The following RYR3 variants were observed in gnomAD, a reference collection of about 807,000 sequenced individuals.
RYR3 encodes the protein ryanodine receptor 3.
Under a neutral mutation model 584.3 loss-of-function variants are expected in RYR3, and 207 were observed. That is an observed-to-expected ratio of 0.35 (90% CI 0.32 to 0.40). The LOEUF is 0.40. RYR3 is among the 10% of genes least tolerant of loss of function. The pLI, the probability that RYR3 is intolerant of heterozygous loss-of-function variation, is 1.00. For synonymous variants in RYR3, 2,416 were observed against 2,248.5 expected (o/e 1.07, Z -2.11); for missense variants, 5,616 against 6,089.2 (o/e 0.92, Z 2.59).
At chr15:33,640,848 T>C (rs1406019848) in intron 27 of RYR3, among the ~76,000 whole-genome samples, 1 of 152,234 alleles carries the variant, frequency 6.6e-6, no homozygotes, top group Non-Finnish European at 1.5e-5. Flanking sequence ...AGGATGCATG[T>C]AGGGAGGTGG....
At chr15:33,646,280 C>T (rs1450502799) in intron 28 of RYR3, 71 bp from the exon 29 acceptor site, 42 of 1,382,504 alleles carry the variant, frequency 3.0e-5, no homozygotes, top group African/African-American at 1.4e-4. Context: ...TGCATGTCCA[C>T]GAGGGAAAAA....
intron 8 of RYR3, among the ~76,000 whole-genome samples, chr15:33,545,189 T>C (rs938639146): frequency 6.6e-6 from 1 of 152,174 alleles, no homozygotes; most frequent in African/African-American, 2.4e-5. Context: ...GTATTTACCA[T>C]GGGCATGCCC....
At position 33,519,795 on chromosome 15, in the gene RYR3, A is replaced by G. The variant is rs1458840895; in HGVS notation, c.280-10797A>G. Among the ~76,000 whole-genome samples, 3 of 152,114 alleles carry G rather than the reference A, an allele frequency of 2.0e-5. No individual in the cohort carries two copies. In the East Asian group the frequency reaches 5.8e-4, roughly 29 times the overall value. ...CCGTGGACAGGTGCTAAGTATTAGG[A>G]GCATCCGTTCTGTCTATCCCCAGGC... On this transcript the variant is annotated intron_variant, in intron 3 of 103. Transcript: ENST00000634891.
chr15:33,509,869 A>C (rs2052817266), intron 3 of RYR3, among the ~76,000 whole-genome samples: 1 of 152,154 alleles, frequency 6.6e-6, no homozygotes, highest in Non-Finnish European at 1.5e-5. Context: ...CCTCCTCCCT[A>C]CACCTGATTG....
At chr15:33,519,768 G>T (rs2053827293) in intron 3 of RYR3, among the ~76,000 whole-genome samples, 1 of 152,048 alleles carries the variant, frequency 6.6e-6, no homozygotes. Flanking sequence ...ACAGCCCCTG[G>T]TCCGTGGACA....
At chr15:33,864,213 C>T (rs1889584669) in intron 103 of RYR3, 24 bp downstream of exon 103, 1 of 1,580,886 alleles carries the variant, frequency 6.3e-7, no homozygotes, top group African/African-American at 1.3e-5. Context: ...AATCATATAC[C>T]CGTGTTAGAT....
intron 1 of RYR3, among the ~76,000 whole-genome samples, chr15:33,313,412 G>A (rs1967635926): frequency 6.6e-6 from 1 of 152,186 alleles, no homozygotes; most frequent in African/African-American, 2.4e-5. Context: ...GCAGCTTTCT[G>A]AGCTTGGCAT....
intron 2 of RYR3, among the ~76,000 whole-genome samples, chr15:33,501,437 T>C (rs1246426663): frequency 6.6e-6 from 1 of 152,184 alleles, no homozygotes; most frequent in East Asian, 1.9e-4. Flanking sequence ...GAATATGTTA[T>C]TGTAAAAGTG....
At chr15:33,430,058 C>T (rs1439514451) in intron 1 of RYR3, among the ~76,000 whole-genome samples, 1 of 152,218 alleles carries the variant, frequency 6.6e-6, no homozygotes, top group Non-Finnish European at 1.5e-5. Context: ...GTGCAATTTC[C>T]AGCCAACATC....
intron 1 of RYR3, chr15:33,465,918 G>T: frequency 2.4e-6 from 1 of 418,440 alleles, no homozygotes; most frequent in Non-Finnish European, 4.8e-6. Context: ...TCTTCCCTCC[G>T]TTCACTCAAG....
chr15:33,823,056 C>T lies in RYR3; in HGVS notation c.11056C>T (p.Leu3686Phe). 6.2e-7 allele frequency: 1 copy of T among 1,613,228 alleles called. No individual in the cohort carries two copies. Among genetic ancestry groups the T allele is most frequent in the Non-Finnish European group, 8.5e-7 (1 of 1,179,508 alleles). Residue 3686 changes from leucine to phenylalanine, a missense_variant, in exon 81 of 104, where the codon CTT becomes TTT. Leu to Phe is a conservative substitution (Grantham distance 22, BLOSUM62 0). Coordinates refer to ENST00000634891, the MANE Select transcript of RYR3 (RefSeq NM_001036.6). ...TGGATTCTTTCAAAGCCTTTCTGGT[C>T]TTATGCAGTCTTGCAGGTAAATGCG... Reference protein sequence around the residue: ...DAGFFQSLSGLMQSCSVLDLN... With the variant: ...DAGFFQSLSGFMQSCSVLDLN...
In RYR3 at chr15:33,707,023, G is replaced by T. The variant is rs191991702; in HGVS notation, c.6588G>T (p.Leu2196=). Residue 2196 remains leucine, a synonymous_variant, in exon 43 of 104, where the codon CTG becomes CTT. Transcript: ENST00000634891. ...ACCCCATTGAAGGGGAACGCTACCT[G>T]TCCTTCCTGAGGTTTGCTGTCTTCG... ...GWNPIEGERY[L]SFLRFAVFVN... 1.2e-5 allele frequency: 19 copies of T among 1,613,974 alleles called. No individual in the cohort carries two copies. In the African/African-American group the frequency reaches 2.5e-4, roughly 22 times the overall value.
intron 43 of RYR3, among the ~76,000 whole-genome samples, chr15:33,709,395 C>A (rs2066937635): frequency 6.6e-6 from 1 of 152,182 alleles, no homozygotes; most frequent in Non-Finnish European, 1.5e-5. Flanking sequence ...AGTTGAGAAG[C>A]AGCATGTACA....
intron 1 of RYR3, among the ~76,000 whole-genome samples, chr15:33,414,889 G>T (rs912317013): frequency 6.6e-6 from 1 of 152,166 alleles, no homozygotes; most frequent in African/African-American, 2.4e-5. Flanking sequence ...CACCGCGCCG[G>T]CCTTAATAAG....
chr15:33,576,663 T>G (rs1274403991), intron 12 of RYR3, among the ~76,000 whole-genome samples: 1 of 152,220 alleles, frequency 6.6e-6, no homozygotes, highest in Non-Finnish European at 1.5e-5. Flanking sequence ...AATATCATAC[T>G]GAATGAGCAA....
Position 33,865,121 on chromosome 15 carries a change from AT to A in RYR3, c.14518-8del. 1 of 1,605,894 alleles carries A rather than the reference AT, an allele frequency of 6.2e-7. No individual in the cohort carries two copies. The highest frequency in any genetic ancestry group is 8.5e-7 in the Non-Finnish European group (1 of 1,173,634). On this transcript the variant is annotated splice_polypyrimidine_tract_variant and intron_variant, in intron 103 of 103. Coordinates refer to ENST00000634891, the MANE Select transcript of RYR3 (RefSeq NM_001036.6). ...TTAAAAATAAGCACCCGTTGTTCAT[AT>A]TATTTCAGGAATCTTATGTCTGGAA... is the stretch of plus-strand genomic sequence containing the variant.
chr15:33,709,377 A>G (rs1456748305), intron 43 of RYR3, among the ~76,000 whole-genome samples: 2 of 152,236 alleles, frequency 1.3e-5, no homozygotes, highest in Non-Finnish European at 2.9e-5. Flanking sequence ...TTCCAAATAC[A>G]TAGATTCAGT....
chr15:33,502,927 C>T (rs1203533053), intron 2 of RYR3, among the ~76,000 whole-genome samples: 2 of 152,142 alleles, frequency 1.3e-5, no homozygotes, highest in African/African-American at 4.8e-5. Context: ...AGAACAGTAC[C>T]TGGCATAAAG....
intron 1 of RYR3, among the ~76,000 whole-genome samples, chr15:33,422,334 G>A (rs940401153): frequency 2.6e-5 from 4 of 152,184 alleles, no homozygotes; most frequent in Non-Finnish European, 5.9e-5. Context: ...CCAGCTGAGT[G>A]CTGGGCTTAG....
Sources: gnomAD v4.1 joint callset for allele counts (sites outside exome capture counted in the v4.1 genomes callset) on GRCh38, gnomAD v4.1.1 for gene constraint, MANE v1.5 for transcripts, NCBI Gene and HGNC (gene_info 2026-07-23, HGNC 2026-07-21) for gene names.